Variants in MCTP2 observed in about 807,000 individuals in gnomAD.
The protein encoded by MCTP2 is multiple C2 and transmembrane domain containing 2.
MCTP2 carries 132 observed loss-of-function variants against 111.6 expected under a neutral mutation model. The observed-to-expected ratio is 1.18, with a 90% confidence interval of 1.03 to 1.37. The LOEUF (loss-of-function observed/expected upper bound fraction) is 1.37, where lower values mean the gene tolerates loss of function less well. Among genes scored for constraint, MCTP2 ranks in the 40% most tolerant of loss-of-function variants. The pLI, the probability that MCTP2 is intolerant of heterozygous loss-of-function variation, is 0.00. For missense variants in MCTP2, 1,183 were observed against 1,067.9 expected (o/e 1.11, Z -1.50); for synonymous variants, 395 against 387.7 (o/e 1.02, Z -0.22).
intron 16 of MCTP2, among the ~76,000 whole-genome samples, chr15:94,400,203 A>G (rs1453918011): frequency 6.6e-6 from 1 of 152,134 alleles, no homozygotes; most frequent in Non-Finnish European, 1.5e-5. Flanking sequence ...GAAGGGCAAG[A>G]CTTAAAACAT....
intron 17 of MCTP2, chr15:94,402,809 C>G (rs2081667845): frequency 2.2e-6 from 3 of 1,373,822 alleles, no homozygotes; most frequent in African/African-American, 2.9e-5. Context: ...TCATTTCTGT[C>G]CTGTGCAAAG....
At chr15:94,467,873 C>T (rs943427667) in intron 20 of MCTP2, among the ~76,000 whole-genome samples, 1 of 151,982 alleles carries the variant, frequency 6.6e-6, no homozygotes, top group East Asian at 1.9e-4. Flanking sequence ...TGGACCTATA[C>T]AAATGTAGAA....
intron 4 of MCTP2, among the ~76,000 whole-genome samples, chr15:94,325,406 T>C (rs1186515853): frequency 1.3e-5 from 2 of 152,238 alleles, no homozygotes; most frequent in Admixed American, 1.3e-4. Context: ...ATTTCGCCTG[T>C]GGGAACAGGA....
chr15:94,299,955 AT>A (rs1439457044), intron 2 of MCTP2, among the ~76,000 whole-genome samples: 14 of 152,222 alleles, frequency 9.2e-5, no homozygotes, highest in Admixed American at 9.2e-4. Flanking sequence ...TATAAAACCC[AT>A]TTTGTAAACC....
At chr15:94,274,611 CTTT>C (rs2074087669) in intron 1 of MCTP2, among the ~76,000 whole-genome samples, 2 of 152,052 alleles carry the variant, frequency 1.3e-5, no homozygotes, top group African/African-American at 4.8e-5. Flanking sequence ...AAGCTAAATA[CTTT>C]AACATGGACA....
intron 1 of MCTP2, among the ~76,000 whole-genome samples, chr15:94,290,760 G>T (rs771012523): frequency 1.3e-5 from 2 of 152,222 alleles, no homozygotes; most frequent in Non-Finnish European, 2.9e-5. Context: ...GCATGGCTAT[G>T]TTAAAATCAA....
In MCTP2 at chr15:94,244,545, C is replaced by T. The variant is rs923782016; in HGVS notation, c.-66+12881C>T. On this transcript the variant is annotated intron_variant, in intron 1 of 22. Coordinates refer to ENST00000357742, the MANE Select transcript of MCTP2 (RefSeq NM_001385001.1). The stretch of plus-strand genomic sequence containing the variant: ...TTATATTCGTATATGTATACACATA[C>T]ATATGCACCTATGTTTATATACGTA... Among the ~76,000 whole-genome samples, 6 of 146,108 alleles carry T rather than the reference C, an allele frequency of 4.1e-5. 1 individual carries two copies. The highest frequency in any genetic ancestry group is 4.2e-4 in the South Asian group (2 of 4,724).
intron 21 of MCTP2, among the ~76,000 whole-genome samples, chr15:94,474,115 G>A (rs564345085): frequency 1.3e-5 from 2 of 151,244 alleles, no homozygotes; most frequent in East Asian, 1.9e-4. Context: ...CTTTTCTTTC[G>A]CTAAAAGTAA....
intron 1 of MCTP2, among the ~76,000 whole-genome samples, chr15:94,251,070 A>G (rs1419742444): frequency 2.6e-5 from 4 of 152,174 alleles, no homozygotes; most frequent in Admixed American, 2.6e-4. Flanking sequence ...AAATGTAGTA[A>G]TTTCACATAA....
chr15:94,473,963 T>C (rs1034340468), intron 21 of MCTP2, among the ~76,000 whole-genome samples: 8 of 152,352 alleles, frequency 5.3e-5, no homozygotes, highest in African/African-American at 1.9e-4. Context: ...GTGATTTTTT[T>C]TTTTTAAACT....
Position 94,315,648 on chromosome 15 carries a change from G to C in MCTP2, c.637+11G>C, listed in dbSNP as rs757524354. On this transcript the variant is annotated intron_variant, in intron 4 of 22. Coordinates refer to ENST00000357742, the MANE Select transcript of MCTP2 (RefSeq NM_001385001.1). ...TCCGAGATCGCTGTGGTAAGACCTGGGTCTGTTATGGTGGGTGTAGCCTGG... is the reference window on the plus strand; with the variant it reads ...TCCGAGATCGCTGTGGTAAGACCTGCGTCTGTTATGGTGGGTGTAGCCTGG... 23 of 1,592,074 alleles carry C rather than the reference G, an allele frequency of 1.4e-5. No individual in the cohort carries two copies. In the Admixed American group the frequency reaches 3.8e-4, roughly 27 times the overall value.
At chr15:94,321,253 G>GA (rs2076617713) in intron 4 of MCTP2, among the ~76,000 whole-genome samples, 3 of 152,028 alleles carry the variant, frequency 2.0e-5, no homozygotes, top group Non-Finnish European at 2.9e-5. Flanking sequence ...TCAGTAGGGT[G>GA]ACTATACTTA....
At chr15:94,367,368 C>A (rs1014071214) in intron 10 of MCTP2, among the ~76,000 whole-genome samples, 1 of 152,150 alleles carries the variant, frequency 6.6e-6, no homozygotes, top group Admixed American at 6.5e-5. Flanking sequence ...TTTCATTTTC[C>A]ATCTGCCGAT....
At chr15:94,256,937 T>G (rs1304923642) in intron 1 of MCTP2, among the ~76,000 whole-genome samples, 3 of 152,064 alleles carry the variant, frequency 2.0e-5, no homozygotes, top group African/African-American at 7.2e-5. Context: ...CCATGACAAA[T>G]CAAATCAATC....
Position 94,245,017 on chromosome 15 carries a change from C to T in MCTP2, c.-66+13353C>T, listed in dbSNP as rs1033425955. 3.4e-5 allele frequency among the ~76,000 whole-genome samples: 5 copies of T among 148,478 alleles called. No individual in the cohort carries two copies. The East Asian group carries it at 6.0e-4, about 18-fold the overall frequency. ...TTATATACGTATATGTATACACATACATATGCACCTATGTTTATATACGTA... is the reference window on the plus strand; with the variant it reads ...TTATATACGTATATGTATACACATATATATGCACCTATGTTTATATACGTA... On this transcript the variant is annotated intron_variant, in intron 1 of 22. Coordinates refer to ENST00000357742, the MANE Select transcript of MCTP2 (RefSeq NM_001385001.1).
Position 94,479,205 on chromosome 15 carries a change from A to G in MCTP2, c.*171A>G. 1 of 653,584 alleles carries G rather than the reference A, an allele frequency of 1.5e-6. No homozygotes were observed. The highest frequency in any genetic ancestry group is 1.8e-5 in the African/African-American group (1 of 56,074). The allele number at this position is 653,584 out of a possible 1,614,324, so 40.5% of individuals were successfully genotyped here. ...CACAGACATACACACATGTGCACACACCCTCATGCATGGGTGTCCTAGTTG... is the reference window on the plus strand; with the variant it reads ...CACAGACATACACACATGTGCACACGCCCTCATGCATGGGTGTCCTAGTTG... On this transcript the variant is annotated 3_prime_UTR_variant, in exon 23 of 23. Transcript: ENST00000357742.
chr15:94,454,344 A>G (rs1180344803), intron 19 of MCTP2, among the ~76,000 whole-genome samples: 1 of 152,186 alleles, frequency 6.6e-6, no homozygotes, highest in Admixed American at 6.5e-5. Flanking sequence ...TGATGCACTA[A>G]TTATTCATAA....
chr15:94,478,844 ATGATTCATTACCTT>A (rs2074576017), intron 22 of MCTP2, 108 bp from the exon 23 acceptor site: 1 of 747,428 alleles, frequency 1.3e-6, no homozygotes, highest in Non-Finnish European at 2.3e-6. Flanking sequence ...TGTTTAGAAA[ATGATTCATTACCTT>A]TGAACCTTCC....
intron 16 of MCTP2, 73 bp downstream of exon 16, chr15:94,400,068 T>C: frequency 7.7e-7 from 1 of 1,305,432 alleles, no homozygotes; most frequent in East Asian, 2.3e-5. Context: ...AACACTTGCC[T>C]GTAATTTCTT....
Sources: gnomAD v4.1 joint callset for allele counts (sites outside exome capture counted in the v4.1 genomes callset) on GRCh38, gnomAD v4.1.1 for gene constraint, MANE v1.5 for transcripts, NCBI Gene and HGNC (gene_info 2026-07-23, HGNC 2026-07-21) for gene names.